The following TMEM38A variants were observed in gnomAD, a reference collection of about 807,000 sequenced individuals.
TMEM38A encodes the protein transmembrane protein 38A.
A neutral mutation model predicts 28.6 loss-of-function variants in TMEM38A; 17 were observed. The observed-to-expected ratio is 0.60, with a 90% CI of 0.41 to 0.89. The LOEUF is 0.89. Ranked by LOEUF, TMEM38A falls within the 40% of genes least tolerant of loss-of-function variation. TMEM38A has a pLI of 0.00. For synonymous variants in TMEM38A, 169 were observed against 166.1 expected, an observed-to-expected ratio of 1.02 and a Z score of -0.14; for missense variants, 328 against 393.1, an observed-to-expected ratio of 0.83 and a Z score of 1.40.
At chr19:16,666,427 T>C (rs191647546) in intron 1 of TMEM38A, among the ~76,000 whole-genome samples, 2 of 151,812 alleles carry the variant, frequency 1.3e-5, no homozygotes, top group Admixed American at 1.3e-4. Context: ...AATTTAACTT[T>C]AAAAAAATTT....
chr19:16,682,462 C>G lies in TMEM38A; in HGVS notation c.508C>G (p.Arg170Gly). The G allele has an allele frequency of 6.2e-7, 1 of 1,614,010 alleles. No individual in the cohort carries two copies. Among genetic ancestry groups the G allele is most frequent in the African/African-American group, 1.3e-5 (1 of 74,984 alleles). ...CATGTCCAACTTTGAGCAGCTGCTCCGAGGGGTCTGGAAGCCAGAGACCAA... is the reference window on the plus strand; with the variant it reads ...CATGTCCAACTTTGAGCAGCTGCTCGGAGGGGTCTGGAAGCCAGAGACCAA... ...ALMSNFEQLL[R>G]GVWKPETNEI... Residue 170 changes from arginine (R) to glycine (G), a missense_variant, in exon 4 of 6, where the codon CGA (arginine) becomes GGA (glycine). Physicochemically the swap from Arg to Gly is moderately radical, Grantham distance 125 (BLOSUM62 -2). Transcript: ENST00000187762.
Position 16,684,141 on chromosome 19 carries a change from C to CAGAGAGAGAGAG in TMEM38A, c.554+1642_554+1653dup, listed in dbSNP as rs10687050. On this transcript the variant is annotated intron_variant, in intron 4 of 5. Transcript: ENST00000187762. ...CAAGACTCTGTCTCAAAGAAAGAAA[C>CAGAGAGAGAGAG]AGAGAGAGAGAGAGAGAGAGGAAGG... 2.0e-5 allele frequency among the ~76,000 whole-genome samples: 3 copies of CAGAGAGAGAGAG among 147,666 alleles called. No homozygotes were observed. The South Asian group carries it at 6.4e-4, about 32-fold the overall frequency.
At position 16,688,592 on chromosome 19, in the gene TMEM38A, C is replaced by T. The variant is rs1255800884; in HGVS notation, c.*221C>T. 1.3e-5 allele frequency: 5 copies of T among 387,214 alleles called. No homozygotes were observed. The East Asian group carries it at 1.9e-4, about 15-fold the overall frequency. The allele number at this position is 387,214 out of a possible 1,614,324, so 24.0% of individuals were successfully genotyped here. A position where few individuals can be genotyped will look rare whatever the true frequency, so the allele number is the denominator to read the frequency against. The stretch of plus-strand genomic sequence containing the variant: ...GTTCCCTCTTTCTCTCTGCCAGGAC[C>T]CCATAGAGTCACAGCTTTTGGAGGG... On this transcript the variant is annotated 3_prime_UTR_variant, in exon 6 of 6. Transcript: ENST00000187762.
chr19:16,687,804 A>G (rs1195891183), intron 5 of TMEM38A, among the ~76,000 whole-genome samples: 1 of 152,108 alleles, frequency 6.6e-6, no homozygotes, highest in African/African-American at 2.4e-5. Flanking sequence ...GTTTCAACAT[A>G]TGAATTTGGG....
intron 1 of TMEM38A, among the ~76,000 whole-genome samples, chr19:16,667,427 T>G (rs2086708107): frequency 6.6e-6 from 1 of 152,084 alleles, no homozygotes; most frequent in South Asian, 2.1e-4. Context: ...AGCAGTTGAG[T>G]GCTGGCTGCA....
At chr19:16,672,446 A>T (rs1204670466) in intron 1 of TMEM38A, among the ~76,000 whole-genome samples, 262 of 104,900 alleles carry the variant, frequency 2.5e-3, no homozygotes, top group African/African-American at 6.3e-3. Context: ...AAAAAACCTC[A>T]TTTTTTTTTT....
intron 5 of TMEM38A, among the ~76,000 whole-genome samples, chr19:16,687,295 G>A (rs945530091): frequency 5.3e-5 from 8 of 151,994 alleles, no homozygotes; most frequent in East Asian, 1.9e-4. Flanking sequence ...TCGCACCACC[G>A]CACTCCAGCC....
In TMEM38A at chr19:16,689,682, G is replaced by A. The variant is rs911871932; in HGVS notation, c.*1311G>A. 3 of 152,526 alleles carry A rather than the reference G, an allele frequency of 2.0e-5. No homozygotes were observed. The highest frequency in any genetic ancestry group is 3.9e-4 in the East Asian group (2 of 5,178). 9.4% of individuals were successfully genotyped at this position (152,526 alleles called of 1,614,324 possible). The stretch of plus-strand genomic sequence containing the variant: ...TGAACAAACATACAGATGCTTACCT[G>A]CTCTGTGGTCAGCCTTGTGCTGCTG... On this transcript the variant is annotated 3_prime_UTR_variant, in exon 6 of 6. Coordinates refer to ENST00000187762, the MANE Select transcript of TMEM38A (RefSeq NM_024074.4).
chr19:16,674,663 G>A (rs751166965), intron 1 of TMEM38A, among the ~76,000 whole-genome samples: 4 of 152,004 alleles, frequency 2.6e-5, no homozygotes, highest in Non-Finnish European at 5.9e-5. Flanking sequence ...GCCGGGCGTG[G>A]TGGTCCATGC....
At chr19:16,680,721 C>A in intron 3 of TMEM38A, 140 bp downstream of exon 3, 3 of 726,584 alleles carry the variant, frequency 4.1e-6, no homozygotes, top group Non-Finnish European at 6.9e-6. Flanking sequence ...AACCTCCCTA[C>A]AGGTATCAGC....
Position 16,680,122 on chromosome 19 carries a change from T to G in TMEM38A, c.263T>G (p.Leu88Arg). ...TACTTCAGCAACAACTCCAGCATCCTGCTGGCCTCAGCTGTCTGGTAAGCC... is the reference window on the plus strand; with the variant it reads ...TACTTCAGCAACAACTCCAGCATCCGGCTGGCCTCAGCTGTCTGGTAAGCC... ...IDYFSNNSSI[L>R]LASAVWYLIF... Residue 88 changes from leucine to arginine, a missense_variant, in exon 2 of 6, where the codon CTG (leucine) becomes CGG (arginine). Coordinates refer to ENST00000187762, the MANE Select transcript of TMEM38A (RefSeq NM_024074.4). 6.2e-7 allele frequency: 1 copy of G among 1,609,266 alleles called. No individual in the cohort carries two copies. Among genetic ancestry groups the G allele is most frequent in the Non-Finnish European group, 8.5e-7 (1 of 1,179,944 alleles).
chr19:16,668,690 T>G (rs1599385771), intron 1 of TMEM38A, among the ~76,000 whole-genome samples: 1 of 151,986 alleles, frequency 6.6e-6, no homozygotes, highest in East Asian at 1.9e-4. Context: ...TTTTCCAGAA[T>G]GTCCTTTAGT....
chr19:16,661,295 C>A lies in TMEM38A; in HGVS notation c.78C>A (p.Asp26Glu). The A allele has an allele frequency of 6.3e-7, 1 of 1,599,752 alleles. No individual in the cohort carries two copies. The highest frequency in any genetic ancestry group is 8.5e-7 in the Non-Finnish European group (1 of 1,173,748). ...GGGTGCCGCTCTTCCCCGTCTTCGA[C>A]CTCAGTTACTTCATCGTCTCCATCC... ...FSRVPLFPVF[D>E]LSYFIVSILY... is the part of the protein sequence containing the mutation. Residue 26 changes from aspartate (D) to glutamate (E), a missense_variant, in exon 1 of 6, where the codon GAC becomes GAA. Coordinates refer to ENST00000187762, the MANE Select transcript of TMEM38A (RefSeq NM_024074.4). The surrounding 1 kb of genome is among the most constrained non-coding windows in gnomAD (Gnocchi z 6.5).
chr19:16,673,102 G>T (rs1197327661), intron 1 of TMEM38A, among the ~76,000 whole-genome samples: 1 of 152,014 alleles, frequency 6.6e-6, no homozygotes, highest in East Asian at 1.9e-4. Flanking sequence ...TTGTTTCTGA[G>T]ATGGAGCCTC....
At chr19:16,678,731 C>T (rs989045037) in intron 1 of TMEM38A, among the ~76,000 whole-genome samples, 1 of 140,834 alleles carries the variant, frequency 7.1e-6, no homozygotes, top group Admixed American at 7.5e-5. Flanking sequence ...CACCACTGCG[C>T]TCCAGGCTGG....
chr19:16,688,124 C>G lies in TMEM38A; in HGVS notation c.673-20C>G. On this transcript the variant is annotated intron_variant, in intron 5 of 5. Transcript: ENST00000187762. ...TCTCCCTCTGTCTCTCTTGCTGTCT[C>G]CCTGGCCACCCCACCTCAGGTGTTT... is the stretch of plus-strand genomic sequence containing the variant. The G allele has an allele frequency of 7.0e-7, 1 of 1,424,268 alleles. No individual in the cohort carries two copies. Among genetic ancestry groups the G allele is most frequent in the Non-Finnish European group, 9.3e-7 (1 of 1,079,876 alleles). The allele number at this position is 1,424,268 out of a possible 1,614,324, so 88.2% of individuals were successfully genotyped here.
chr19:16,680,174 G>T, intron 2 of TMEM38A, 34 bp downstream of exon 2: 1 of 1,595,978 alleles, frequency 6.3e-7, no homozygotes. Flanking sequence ...AGCAGAGCCG[G>T]GTGGGGGAAA....
At chr19:16,680,845 G>A (rs1260436573) in intron 3 of TMEM38A, 2 of 469,748 alleles carry the variant, frequency 4.3e-6, no homozygotes, top group Non-Finnish European at 7.8e-6. Context: ...TTTCTCACTT[G>A]CAGCACTACT....
At chr19:16,676,303 C>T (rs1401970122) in intron 1 of TMEM38A, among the ~76,000 whole-genome samples, 1 of 152,142 alleles carries the variant, frequency 6.6e-6, no homozygotes, top group Non-Finnish European at 1.5e-5. Context: ...TTGCAGTGAT[C>T]TGAGATTGCG....
Sources: allele counts gnomAD v4.1 joint callset (sites outside exome capture counted in the v4.1 genomes callset), GRCh38; gene constraint gnomAD v4.1.1; non-coding constraint Gnocchi (gnomAD v3.1); transcripts MANE v1.5; gene names NCBI Gene and HGNC (gene_info 2026-07-23, HGNC 2026-07-21).